Variants in TPST1 observed in about 807,000 individuals in gnomAD.
TPST1 encodes the protein tyrosylprotein sulfotransferase 1, also known as protein-tyrosine sulfotransferase 1.
Under a neutral mutation model 34.8 loss-of-function variants are expected in TPST1, and 20 were observed. The ratio of observed to expected loss-of-function variants is 0.57; its 90% CI spans 0.40 to 0.84. The LOEUF (loss-of-function observed/expected upper bound fraction) is 0.84. Among genes scored for constraint, TPST1 ranks in the 40% least tolerant of loss-of-function variants. The pLI is 0.00. For missense variants in TPST1, 353 were observed against 455.5 expected (o/e 0.78, Z 2.05); for synonymous variants, 152 against 159.4 (o/e 0.95, Z 0.35).
chr7:66,306,692 C>T (rs938024501), intron 3 of TPST1, among the ~76,000 whole-genome samples: 2 of 152,090 alleles, frequency 1.3e-5, no homozygotes, highest in South Asian at 2.1e-4. Flanking sequence ...TCCAGATCCT[C>T]ATATAGTTTT....
chr7:66,240,317 T>A lies in TPST1; in HGVS notation c.-101-8T>A. ...TAATGATAAATAACCTTTTCCTTTC[T>A]CTACTAGATGTTGGTTATCTTTCTG... On this transcript the variant is annotated splice_region_variant and splice_polypyrimidine_tract_variant and intron_variant, in intron 1 of 5. Transcript: ENST00000304842. 7.5e-7 allele frequency: 1 copy of A among 1,326,582 alleles called. No homozygotes were observed. The highest frequency in any genetic ancestry group is 1.0e-6 in the Non-Finnish European group (1 of 989,240). 82.2% of individuals were successfully genotyped at this position (1,326,582 alleles called of 1,614,324 possible).
rs554791214 is a variant in TPST1 at position 66,223,040 on chromosome 7, A to G, written c.-101-17285A>G. On this transcript the variant is annotated intron_variant, in intron 1 of 5. Transcript: ENST00000304842. ...TCTAGTGCCATGTGACTAAGAAAAA[A>G]CTGATTCCAGACTAGAGCCCAGGTC... 2.1e-4 allele frequency among the ~76,000 whole-genome samples: 32 copies of G among 152,116 alleles called. 1 individual carries two copies. Among genetic ancestry groups the G allele is most frequent in the African/African-American group, 7.5e-4 (31 of 41,502 alleles).
chr7:66,198,951 T>C, the TPST1 span, among the ~76,000 whole-genome samples: 1 of 152,218 alleles, frequency 6.6e-6, no homozygotes, highest in Non-Finnish European at 1.5e-5. Context: ...TCTCTGATGC[T>C]GTATGCAGGT....
Position 66,240,330 on chromosome 7 carries a change from G to T in TPST1, c.-96G>T. On this transcript the variant is annotated 5_prime_UTR_variant, in exon 2 of 6. Coordinates refer to ENST00000304842, the MANE Select transcript of TPST1 (RefSeq NM_003596.4). The stretch of plus-strand genomic sequence containing the variant: ...CCTTTTCCTTTCTCTACTAGATGTT[G>T]GTTATCTTTCTGAAGTAGACTGTCC... 1 of 1,414,352 alleles carries T rather than the reference G, an allele frequency of 7.1e-7. No homozygotes were observed. The highest frequency in any genetic ancestry group is 1.5e-5 in the South Asian group (1 of 68,910). 87.6% of individuals were successfully genotyped at this position (1,414,352 alleles called of 1,614,324 possible).
intron 3 of TPST1, among the ~76,000 whole-genome samples, chr7:66,337,110 G>A (rs930631398): frequency 2.0e-5 from 3 of 152,048 alleles, no homozygotes; most frequent in Non-Finnish European, 2.9e-5. Flanking sequence ...AAATGCTAAA[G>A]GGAGCTGTTC....
intron 2 of TPST1, among the ~76,000 whole-genome samples, chr7:66,242,401 TA>T (rs1439652591): frequency 6.6e-6 from 1 of 152,158 alleles, no homozygotes; most frequent in Non-Finnish European, 1.5e-5. Flanking sequence ...AATATCTGCT[TA>T]ATTTTTTTTT....
intron 2 of TPST1, among the ~76,000 whole-genome samples, chr7:66,243,941 A>ATTTT (rs55829208): frequency 1.9e-4 from 22 of 116,228 alleles, no homozygotes; most frequent in Non-Finnish European, 2.8e-4. Flanking sequence ...ATTCTGGGAA[A>ATTTT]TTTTTTTTTT....
intron 1 of TPST1, among the ~76,000 whole-genome samples, chr7:66,223,187 T>A (rs1789579410): frequency 6.6e-6 from 1 of 152,006 alleles, no homozygotes; most frequent in African/African-American, 2.4e-5. Context: ...TGGTTCATGT[T>A]TGTAATTCCA....
intron 1 of TPST1, among the ~76,000 whole-genome samples, chr7:66,213,559 T>C (rs1789311413): frequency 6.6e-6 from 1 of 151,996 alleles, no homozygotes; most frequent in African/African-American, 2.4e-5. Context: ...ATCGAGACCA[T>C]CCTGGCTAAC....
At chr7:66,326,313 A>G (rs1352210472) in intron 3 of TPST1, among the ~76,000 whole-genome samples, 1 of 152,206 alleles carries the variant, frequency 6.6e-6, no homozygotes, top group African/African-American at 2.4e-5. Flanking sequence ...CCGTAAGAAC[A>G]GGGCATTCAG....
intron 5 of TPST1, chr7:66,358,972 C>T (rs1792636592): frequency 6.6e-6 from 1 of 152,236 alleles, no homozygotes; most frequent in South Asian, 2.1e-4. Context: ...GGGGACACAG[C>T]AAAGCCCTTA....
chr7:66,232,201 A>ATTTTTTTTTTTTTTTTTTTTT (rs1319878540), intron 1 of TPST1, among the ~76,000 whole-genome samples: 1 of 113,900 alleles, frequency 8.8e-6, no homozygotes, highest in Non-Finnish European at 1.7e-5. Context: ...ATTAAAAAAA[A>ATTTTTTTTTTTTTTTTTTTTT]TTTTTTTTTT....
At chr7:66,283,088 G>A (rs1584205790) in intron 2 of TPST1, among the ~76,000 whole-genome samples, 1 of 152,214 alleles carries the variant, frequency 6.6e-6, no homozygotes, top group Non-Finnish European at 1.5e-5. Context: ...GGCCAATGTG[G>A]CAAAACCCCA....
At chr7:66,218,089 G>A (rs1343868054) in intron 1 of TPST1, among the ~76,000 whole-genome samples, 1 of 151,790 alleles carries the variant, frequency 6.6e-6, no homozygotes, top group Non-Finnish European at 1.5e-5. Context: ...ATGTTGGTCA[G>A]GCTGGTCTCA....
intron 1 of TPST1, among the ~76,000 whole-genome samples, chr7:66,215,806 T>C (rs1341961631): frequency 6.7e-6 from 1 of 148,518 alleles, no homozygotes; most frequent in Non-Finnish European, 1.5e-5. Context: ...GGAGTCTCGC[T>C]TTGTCGCCCA....
In TPST1 at chr7:66,240,712, G is replaced by A. The variant is rs748915033; in HGVS notation, c.287G>A (p.Arg96His). Residue 96 changes from arginine to histidine, a missense_variant, in exon 2 of 6, where the codon CGC (arginine) becomes CAC (histidine). Transcript: ENST00000304842. ...RAMLDAHPDI[R>H]CGEETRVIPR... ...ATGCTGGACGCACATCCTGACATTC[G>A]CTGTGGAGAGGAAACCAGGGTCATT... The A allele has an allele frequency of 9.3e-6, 15 of 1,614,050 alleles. No homozygotes were observed. Among genetic ancestry groups the A allele is most frequent in the African/African-American group, 1.3e-5 (1 of 74,922 alleles).
intron 2 of TPST1, among the ~76,000 whole-genome samples, chr7:66,246,158 GCATGCCAT>G (rs1364329557): frequency 6.9e-6 from 1 of 145,468 alleles, no homozygotes; most frequent in East Asian, 2.0e-4. Flanking sequence ...GATTACAGGT[GCATGCCAT>G]CATGCCTGGC....
chr7:66,336,429 A>G (rs1167465904), intron 3 of TPST1, among the ~76,000 whole-genome samples: 1 of 152,234 alleles, frequency 6.6e-6, no homozygotes, highest in Non-Finnish European at 1.5e-5. Context: ...ACAAGAAAAC[A>G]AATAGAAATC....
At chr7:66,273,462 A>G (rs80182098) in intron 2 of TPST1, among the ~76,000 whole-genome samples, 2,222 of 152,308 alleles carry the variant, frequency 0.015, 59 homozygotes, top group East Asian at 0.092. Context: ...AGCCCCAAAT[A>G]GTCAAAGCAA....
Sources: gnomAD v4.1 joint callset for allele counts (sites outside exome capture counted in the v4.1 genomes callset) on GRCh38, gnomAD v4.1.1 for gene constraint, MANE v1.5 for transcripts, NCBI Gene and HGNC (gene_info 2026-07-23, HGNC 2026-07-21) for gene names.